The following OTOG variants were observed in gnomAD, a reference collection of about 807,000 sequenced individuals.
OTOG encodes otogelin.
In OTOG, 296 loss-of-function variants were observed where a neutral mutation model predicts 313.8. That is an observed-to-expected ratio of 0.94 (90% CI 0.86 to 1.04). OTOG has a LOEUF of 1.04. Ranked by LOEUF, OTOG falls within the 50% of genes least tolerant of loss-of-function variation. OTOG has a pLI of 0.00. For synonymous variants in OTOG, 1,533 were observed against 1,554.9 expected (o/e 0.99, Z 0.33); for missense variants, 3,948 against 3,840.1 (o/e 1.03, Z -0.74).
intron 34 of OTOG, 116 bp from the exon 35 acceptor site, chr11:17,609,014 C>CA: frequency 1.3e-6 from 1 of 782,496 alleles, no homozygotes; most frequent in Non-Finnish European, 2.1e-6. Context: ...GTAATAAGCA[C>CA]ATGTGTGCAC....
chr11:17,588,849 C>T (rs992831202), intron 24 of OTOG, among the ~76,000 whole-genome samples: 14 of 152,100 alleles, frequency 9.2e-5, no homozygotes, highest in South Asian at 4.2e-4. Context: ...TATCCCAATG[C>T]GTCTCACCTC....
rs778201336 is a variant in OTOG, at chr11:17,612,259, C to T, written c.6221C>T (p.Pro2074Leu). Residue 2074 changes from proline (P) to leucine (L), a missense_variant, in exon 37 of 56, where the codon CCT becomes CTT. Coordinates refer to ENST00000399397, the MANE Select transcript of OTOG (RefSeq NM_001292063.2). Reference sequence around the variant, plus strand: ...CACTGTCCCCAGGGTGCTGCTCCCCCTCGCTGTGGGATCCTGGGCCTCGCC... The same window carrying T: ...CACTGTCCCCAGGGTGCTGCTCCCCTTCGCTGTGGGATCCTGGGCCTCGCC... ...SQHCPQGAAP[P>L]RCGILGLAVR... 10 of 1,546,570 alleles carry T rather than the reference C, an allele frequency of 6.5e-6. No individual in the cohort carries two copies. The highest frequency in any genetic ancestry group is 8.7e-6 in the Non-Finnish European group (10 of 1,146,962).
intron 33 of OTOG, 105 bp from the exon 34 acceptor site, chr11:17,608,191 A>C: frequency 2.8e-6 from 2 of 719,486 alleles, no homozygotes; most frequent in Non-Finnish European, 4.4e-6. Context: ...CTTTCCCTGC[A>C]TGGGTCCATT....
At chr11:17,611,850 T>A (rs1288079647) in intron 36 of OTOG, among the ~76,000 whole-genome samples, 1 of 152,056 alleles carries the variant, frequency 6.6e-6, no homozygotes, top group Non-Finnish European at 1.5e-5. Flanking sequence ...GTGTATAGGC[T>A]TGTGCAAGTA....
At chr11:17,632,750 G>C (rs1854161352) in intron 42 of OTOG, among the ~76,000 whole-genome samples, 1 of 152,094 alleles carries the variant, frequency 6.6e-6, no homozygotes, top group South Asian at 2.1e-4. Context: ...TGACTGGTAG[G>C]GTCGACAGGG....
Position 17,634,292 on chromosome 11 carries a change from A to T in OTOG, c.7480+11A>T, listed in dbSNP as rs12277962. Reference sequence around the variant, plus strand: ...TGGGGACTGTCTGTGGTGAGTGTCCACCTTCACTTCCTTGGACGTCAACTG... The same window carrying T: ...TGGGGACTGTCTGTGGTGAGTGTCCTCCTTCACTTCCTTGGACGTCAACTG... On this transcript the variant is annotated intron_variant, in intron 44 of 55. Coordinates refer to ENST00000399397, the MANE Select transcript of OTOG (RefSeq NM_001292063.2). 0.16 allele frequency: 252,815 copies of T among 1,547,726 alleles called. 22,022 individuals carry two copies. Among genetic ancestry groups the T allele is most frequent in the Non-Finnish European group, 0.18 (206,900 of 1,144,788 alleles).
chr11:17,629,130 A>G lies in OTOG; in HGVS notation c.6529-3A>G. 1 of 1,550,130 alleles carries G rather than the reference A, an allele frequency of 6.5e-7. No individual in the cohort carries two copies. Among genetic ancestry groups the G allele is most frequent in the South Asian group, 1.2e-5 (1 of 83,976 alleles). ...CTGTGCTCACACTGAATTCCCTCCC[A>G]AGGTGACTGTGGACTTGCAGCCTGT... On this transcript the variant is annotated splice_polypyrimidine_tract_variant and splice_region_variant and intron_variant, in intron 39 of 55. Coordinates refer to ENST00000399397, the MANE Select transcript of OTOG (RefSeq NM_001292063.2).
chr11:17,570,173 G>T (rs1565097203), intron 16 of OTOG, 40 bp from the exon 17 acceptor site: 1 of 1,524,472 alleles, frequency 6.6e-7, no homozygotes, highest in Non-Finnish European at 8.9e-7. Flanking sequence ...GGTGTGTACT[G>T]GCTGCCCTCC....
chr11:17,612,187 G>A lies in OTOG; in HGVS notation c.6149G>A (p.Arg2050His), dbSNP rs570848047. The change falls in exon 37 of 56, where the codon CGC becomes CAC. Residue 2050 changes from arginine to histidine, a missense_variant. Physicochemically the swap from Arg to His is conservative, Grantham distance 29. Transcript: ENST00000399397. ...CCAATCGCCGAGCAGGACTGCGTCC[G>A]CCACATCTGCCTGGAGGGCCAGCTG... Reference protein sequence around the residue: ...CVPIAEQDCVRHICLEGQLIR... With the variant: ...CVPIAEQDCVHHICLEGQLIR... The A allele has an allele frequency of 1.2e-5, 19 of 1,549,788 alleles. No individual in the cohort carries two copies. Among genetic ancestry groups the A allele is most frequent in the East Asian group, 1.2e-4 (5 of 40,912 alleles).
chr11:17,601,544 C>G (rs1270633148), intron 31 of OTOG, among the ~76,000 whole-genome samples: 2 of 148,452 alleles, frequency 1.3e-5, no homozygotes, highest in East Asian at 4.0e-4. Context: ...AAGCTGGGCT[C>G]TTTAGATTCT....
At position 17,547,441 on chromosome 11, in the gene OTOG, C is replaced by T. The variant is rs528054357; in HGVS notation, c.69C>T (p.Ala23=). Residue 23 remains alanine, a synonymous_variant, in exon 1 of 56, where the codon GCC becomes GCT. Coordinates refer to ENST00000399397, the MANE Select transcript of OTOG (RefSeq NM_001292063.2). ...CVWLPWGEQA[A]ESLRVQRLAA... ...GGCTGCCCTGGGGTGAGCAGGCAGCCGAGTCCCTGCGGGTGCAGCGCCTCG... is the reference window on the plus strand; with the variant it reads ...GGCTGCCCTGGGGTGAGCAGGCAGCTGAGTCCCTGCGGGTGCAGCGCCTCG... The T allele has an allele frequency of 3.6e-6, 5 of 1,386,830 alleles. No homozygotes were observed. Among genetic ancestry groups the T allele is most frequent in the East Asian group, 2.9e-5 (1 of 33,962 alleles). 85.9% of individuals were successfully genotyped at this position (1,386,830 alleles called of 1,614,324 possible).
intron 53 of OTOG, 25 bp downstream of exon 53, chr11:17,642,271 G>T: frequency 1.9e-6 from 3 of 1,539,230 alleles, no homozygotes; most frequent in Admixed American, 4.0e-5. Context: ...CTCCACTGAG[G>T]CTGTAGGCCA....
At chr11:17,600,262 TTCA>T in intron 31 of OTOG, among the ~76,000 whole-genome samples, 1 of 152,018 alleles carries the variant, frequency 6.6e-6, no homozygotes, top group East Asian at 1.9e-4. Context: ...TTAGAGCCAA[TTCA>T]TCAATTTAAT....
At chr11:17,638,660 G>A in intron 48 of OTOG, 111 bp downstream of exon 48, 1 of 1,491,116 alleles carries the variant, frequency 6.7e-7, no homozygotes, top group Non-Finnish European at 9.1e-7. Context: ...TCTGTCCCCT[G>A]CAGGGTCTCT....
At chr11:17,554,236 T>C (rs1852007422) in intron 6 of OTOG, among the ~76,000 whole-genome samples, 1 of 152,176 alleles carries the variant, frequency 6.6e-6, no homozygotes, top group Non-Finnish European at 1.5e-5. Context: ...CCTCACTGGG[T>C]AACTCAAAGT....
chr11:17,550,837 G>A lies in OTOG; in HGVS notation c.217-1163G>A, dbSNP rs1029700627. Among the ~76,000 whole-genome samples, 148 of 152,360 alleles carry A rather than the reference G, an allele frequency of 9.7e-4. 3 individuals carry two copies. Among genetic ancestry groups the A allele is most frequent in the East Asian group, 2.1e-3 (11 of 5,186 alleles). ...GAGAACCCAGGAACCAGGGGCCAAA[G>A]TAGGTGAGGACACCAAAATCTGGCT... On this transcript the variant is annotated intron_variant, in intron 3 of 55. Transcript: ENST00000399397.
At chr11:17,590,805 G>A (rs1220269400) in intron 24 of OTOG, among the ~76,000 whole-genome samples, 1 of 152,124 alleles carries the variant, frequency 6.6e-6, no homozygotes, top group Non-Finnish European at 1.5e-5. Context: ...TGGAGAGACT[G>A]TACCCTTTAT....
At chr11:17,572,934 C>A (rs952512987) in intron 18 of OTOG, 144 bp from the exon 19 acceptor site, 1 of 768,582 alleles carries the variant, frequency 1.3e-6, no homozygotes, top group East Asian at 2.9e-5. Context: ...TCCCAGCCAG[C>A]TGTACACTGA....
At chr11:17,634,756 G>A (rs967599761) in intron 44 of OTOG, 88 bp from the exon 45 acceptor site, 2 of 1,128,746 alleles carry the variant, frequency 1.8e-6, no homozygotes, top group African/African-American at 3.1e-5. Flanking sequence ...AGGCGTCCAG[G>A]GGTTGGGCAG....
Sources: allele counts gnomAD v4.1 joint callset (sites outside exome capture counted in the v4.1 genomes callset), GRCh38; gene constraint gnomAD v4.1.1; transcripts MANE v1.5; gene names NCBI Gene and HGNC (gene_info 2026-07-23, HGNC 2026-07-21).